The following ATRNL1 variants were observed in gnomAD, a reference collection of about 807,000 sequenced individuals.
The protein encoded by ATRNL1 is attractin-like protein 1.
In ATRNL1, 95 loss-of-function variants were observed where a neutral mutation model predicts 182.7. The observed-to-expected ratio is 0.52, with a 90% CI of 0.44 to 0.62. The LOEUF (loss-of-function observed/expected upper bound fraction) is 0.62, where lower values mean the gene tolerates loss of function less well. Among genes scored for constraint, ATRNL1 ranks in the 20% least tolerant of loss-of-function variants. The pLI, the probability that ATRNL1 is intolerant of heterozygous loss-of-function variation, is 0.00. For missense variants in ATRNL1, 1,471 were observed against 1,679.5 expected, an observed-to-expected ratio of 0.88 and a Z score of 2.17; for synonymous variants, 576 against 568.3, an observed-to-expected ratio of 1.01 and a Z score of -0.19.
At chr10:115,510,837 CTG>C (rs1365838613) in intron 24 of ATRNL1, among the ~76,000 whole-genome samples, 46 of 152,016 alleles carry the variant, frequency 3.0e-4, no homozygotes, top group African/African-American at 1.1e-3. Flanking sequence ...GGGAGAAACA[CTG>C]AGGAAATTTA....
At chr10:115,250,239 T>C (rs1308564577) in intron 10 of ATRNL1, among the ~76,000 whole-genome samples, 1 of 152,204 alleles carries the variant, frequency 6.6e-6, no homozygotes, top group Non-Finnish European at 1.5e-5. Context: ...GATTGCAAAC[T>C]CTCAACACAT....
chr10:115,664,438 A>C (rs568274256), intron 26 of ATRNL1, among the ~76,000 whole-genome samples: 3 of 152,166 alleles, frequency 2.0e-5, no homozygotes, highest in Admixed American at 6.6e-5. Flanking sequence ...TTCTATTTTT[A>C]ATTTGCTATG....
chr10:115,502,859 T>A (rs1240719890), intron 24 of ATRNL1, among the ~76,000 whole-genome samples: 1 of 152,164 alleles, frequency 6.6e-6, no homozygotes, highest in African/African-American at 2.4e-5. Context: ...AAACTGCATG[T>A]TCTGCATATG....
intron 19 of ATRNL1, among the ~76,000 whole-genome samples, chr10:115,379,684 A>T (rs1460446490): frequency 6.6e-6 from 1 of 152,178 alleles, no homozygotes; most frequent in African/African-American, 2.4e-5. Flanking sequence ...TTACTACTTG[A>T]TGACAGTTTC....
At chr10:115,135,503 G>T (rs965756431) in intron 5 of ATRNL1, among the ~76,000 whole-genome samples, 1 of 152,132 alleles carries the variant, frequency 6.6e-6, no homozygotes, top group Admixed American at 6.5e-5. Flanking sequence ...TCTTCAAGGA[G>T]GACTACAAAC....
At chr10:115,569,620 G>T (rs905123526) in intron 26 of ATRNL1, among the ~76,000 whole-genome samples, 1 of 152,040 alleles carries the variant, frequency 6.6e-6, no homozygotes, top group Non-Finnish European at 1.5e-5. Context: ...TTCTTTTTCT[G>T]CAAACTATTC....
chr10:115,112,414 AC>A (rs1220048249), intron 1 of ATRNL1, among the ~76,000 whole-genome samples: 1 of 152,186 alleles, frequency 6.6e-6, no homozygotes, highest in Non-Finnish European at 1.5e-5. Context: ...TTATGAAAAA[AC>A]TGCGTGGATT....
rs555290693 is a variant in ATRNL1, at chr10:115,366,005, G to A, written c.3176-28654G>A. ...AAAATGTATATTCTGTTGATTTGGGGTGGAGAGTTCTGTAGATGTCTATTA... is the reference window on the plus strand; with the variant it reads ...AAAATGTATATTCTGTTGATTTGGGATGGAGAGTTCTGTAGATGTCTATTA... On this transcript the variant is annotated intron_variant, in intron 19 of 28. Coordinates refer to ENST00000355044, the MANE Select transcript of ATRNL1 (RefSeq NM_207303.4). Among the ~76,000 whole-genome samples, 13 of 152,238 alleles carry A rather than the reference G, an allele frequency of 8.5e-5. No homozygotes were observed. The South Asian group carries it at 2.1e-3, about 24-fold the overall frequency.
intron 21 of ATRNL1, among the ~76,000 whole-genome samples, chr10:115,448,319 A>G (rs1847108810): frequency 6.6e-6 from 1 of 152,194 alleles, no homozygotes; most frequent in Non-Finnish European, 1.5e-5. Context: ...CAGCAAATGC[A>G]AAAGAACTGA....
At chr10:115,123,466 A>G (rs1844829696) in intron 3 of ATRNL1, among the ~76,000 whole-genome samples, 2 of 152,226 alleles carry the variant, frequency 1.3e-5, no homozygotes, top group South Asian at 2.1e-4. Context: ...TCAGAATCTA[A>G]TATGTTTGAA....
rs1248076559 is a variant in ATRNL1 at position 115,945,943 on chromosome 10, G to A, written c.*1164G>A. On this transcript the variant is annotated 3_prime_UTR_variant, in exon 29 of 29. Coordinates refer to ENST00000355044, the MANE Select transcript of ATRNL1 (RefSeq NM_207303.4). ...GTTGCCCACAGTCAGCACACTCTTA[G>A]TGACTCAAAATTCTGAATTATGGCA... The A allele has an allele frequency of 6.6e-6, 1 of 152,154 alleles. No homozygotes were observed. Among genetic ancestry groups the A allele is most frequent in the Admixed American group, 6.5e-5 (1 of 15,276 alleles). 9.4% of individuals were successfully genotyped at this position (152,154 alleles called of 1,614,324 possible).
At chr10:115,335,872 T>G (rs1292737534) in intron 19 of ATRNL1, among the ~76,000 whole-genome samples, 4 of 152,168 alleles carry the variant, frequency 2.6e-5, no homozygotes, top group African/African-American at 7.2e-5. Context: ...TGCTGTTGGT[T>G]GAGTTCACAG....
At chr10:115,556,803 T>G (rs1853340533) in intron 26 of ATRNL1, among the ~76,000 whole-genome samples, 1 of 151,052 alleles carries the variant, frequency 6.6e-6, no homozygotes, top group Admixed American at 6.7e-5. Context: ...CTCCTCCATT[T>G]CTACTGTAAT....
intron 26 of ATRNL1, among the ~76,000 whole-genome samples, chr10:115,627,490 G>T (rs560492342): frequency 6.6e-6 from 1 of 151,930 alleles, no homozygotes; most frequent in South Asian, 2.1e-4. Context: ...TCAGCCTCCC[G>T]AGTAACTGAG....
At chr10:115,325,384 G>A (rs1854818413) in intron 18 of ATRNL1, among the ~76,000 whole-genome samples, 1 of 152,076 alleles carries the variant, frequency 6.6e-6, no homozygotes. Flanking sequence ...CATAACCATA[G>A]GCTTACTAAT....
intron 28 of ATRNL1, among the ~76,000 whole-genome samples, chr10:115,938,465 A>G (rs1953629106): frequency 6.6e-6 from 1 of 152,160 alleles, no homozygotes. Context: ...GGAGGCATAT[A>G]TTGTTTTTTT....
chr10:115,303,803 T>C (rs1554925395), intron 17 of ATRNL1, among the ~76,000 whole-genome samples: 1 of 152,124 alleles, frequency 6.6e-6, no homozygotes, highest in Admixed American at 6.5e-5. Flanking sequence ...CCAAAGAAAC[T>C]GTAGTTACAG....
At chr10:115,807,036 T>C (rs1043822773) in intron 27 of ATRNL1, among the ~76,000 whole-genome samples, 1 of 152,136 alleles carries the variant, frequency 6.6e-6, no homozygotes, top group African/African-American at 2.4e-5. Context: ...AATTTTGCTT[T>C]GTTTTTCTGA....
intron 24 of ATRNL1, among the ~76,000 whole-genome samples, chr10:115,485,247 T>C (rs1554974913): frequency 6.6e-6 from 1 of 152,056 alleles, no homozygotes; most frequent in African/African-American, 2.4e-5. Context: ...AGAATTTCCC[T>C]ATGAAACCTC....
Sources: allele counts gnomAD v4.1 joint callset (sites outside exome capture counted in the v4.1 genomes callset), GRCh38; gene constraint gnomAD v4.1.1; transcripts MANE v1.5; gene names NCBI Gene and HGNC (gene_info 2026-07-23, HGNC 2026-07-21).